Variants in ANO1 observed in about 807,000 individuals in gnomAD.
ANO1 encodes anoctamin 1, also known as anoctamin-1.
Under a neutral mutation model 124.0 loss-of-function variants are expected in ANO1, and 59 were observed. The observed-to-expected ratio is 0.48, with a 90% CI of 0.39 to 0.59. The LOEUF is 0.59. ANO1 is among the 20% of genes least tolerant of loss of function. The probability of loss-of-function intolerance (pLI) is 0.00; values close to 1 mark genes in which losing one functional copy is unlikely to be tolerated. For synonymous variants in ANO1, 529 were observed against 532.0 expected (o/e 0.99, Z 0.08); for missense variants, 1,059 against 1,328.0 (o/e 0.80, Z 3.15).
chr11:69,975,359 G>A, the ANO1 span, among the ~76,000 whole-genome samples: 6 of 152,222 alleles, frequency 3.9e-5, no homozygotes, highest in Non-Finnish European at 5.9e-5. Flanking sequence ...AATGGCAAAT[G>A]CCTACTACGC....
chr11:70,127,295 G>C (rs1314643091), intron 10 of ANO1, among the ~76,000 whole-genome samples: 1 of 152,144 alleles, frequency 6.6e-6, no homozygotes, highest in Non-Finnish European at 1.5e-5. Flanking sequence ...GGTTCCACCT[G>C]CCCAGCTTCC....
At chr11:70,010,164 T>TGCGC (rs143133261) in intron 1 of ANO1, among the ~76,000 whole-genome samples, 1 of 61,314 alleles carries the variant, frequency 1.6e-5, no homozygotes, top group Admixed American at 2.0e-4. Context: ...TGTGTGTGTG[T>TGCGC]GCGCGTGTGT....
rs1420134899 is a variant in ANO1 at position 70,170,894 on chromosome 11, G to A, written c.2205G>A (p.Gln735=). 4.3e-6 allele frequency: 7 copies of A among 1,613,146 alleles called. No homozygotes were observed. Among genetic ancestry groups the A allele is most frequent in the East Asian group, 4.5e-5 (2 of 44,870 alleles). Residue 735 remains glutamine, a synonymous_variant, in exon 22 of 26, where the codon CAG becomes CAA. Coordinates refer to ENST00000355303, the MANE Select transcript of ANO1 (RefSeq NM_018043.7). ...LTPEYMEMII[Q]FGFVTLFVAS... ...ACTGGGCTCTCTCTGCAGTCATCCA[G>A]TTTGGCTTCGTCACCCTGTTTGTCG...
At chr11:70,102,423 G>T (rs531066024) in intron 2 of ANO1, among the ~76,000 whole-genome samples, 44 of 152,316 alleles carry the variant, frequency 2.9e-4, no homozygotes, top group African/African-American at 9.6e-4. Context: ...AGAGAGAGGT[G>T]ACTTGGCCAA....
chr11:70,081,433 G>A (rs977626126), intron 1 of ANO1, among the ~76,000 whole-genome samples: 2 of 152,112 alleles, frequency 1.3e-5, no homozygotes, highest in Non-Finnish European at 2.9e-5. Flanking sequence ...CCCCATAATC[G>A]TACATTGATA....
intron 23 of ANO1, among the ~76,000 whole-genome samples, chr11:70,181,893 C>T (rs913976381): frequency 2.0e-5 from 3 of 152,184 alleles, no homozygotes; most frequent in South Asian, 2.1e-4. Context: ...CCCTTGAAGG[C>T]GAGGACTGCC....
intron 11 of ANO1, among the ~76,000 whole-genome samples, chr11:70,133,640 G>A (rs1280030597): frequency 1.3e-5 from 2 of 152,218 alleles, no homozygotes; most frequent in Non-Finnish European, 2.9e-5. Flanking sequence ...CTCCTCCCCT[G>A]CTCCGGAGGC....
intron 1 of ANO1, among the ~76,000 whole-genome samples, chr11:70,059,412 C>T (rs965939570): frequency 4.7e-5 from 7 of 149,242 alleles, no homozygotes; most frequent in African/African-American, 1.2e-4. Context: ...GAGGCCAAGT[C>T]GGGGAATTAT....
intron 1 of ANO1, among the ~76,000 whole-genome samples, chr11:70,005,062 G>A (rs1856461181): frequency 2.0e-5 from 3 of 147,658 alleles, no homozygotes; most frequent in East Asian, 2.1e-4. Flanking sequence ...GCAGTGAGCC[G>A]AGATCGTGCC....
chr11:70,015,132 C>G (rs970555470), intron 1 of ANO1: 4 of 152,010 alleles, frequency 2.6e-5, no homozygotes, highest in Admixed American at 2.0e-4. Context: ...GTGCTAGTGT[C>G]CATCTCTTTG....
chr11:70,048,938 T>C (rs1349740957), intron 1 of ANO1, among the ~76,000 whole-genome samples: 1 of 152,108 alleles, frequency 6.6e-6, no homozygotes, highest in Non-Finnish European at 1.5e-5. Flanking sequence ...GGGCCACGCC[T>C]GGTGTCTTTG....
chr11:70,011,281 G>T (rs1555001088), intron 1 of ANO1, among the ~76,000 whole-genome samples: 1 of 152,118 alleles, frequency 6.6e-6, no homozygotes, highest in African/African-American at 2.4e-5. Context: ...GGGGAGGGAA[G>T]GATGGGAAGT....
intron 7 of ANO1, among the ~76,000 whole-genome samples, chr11:70,113,433 C>T (rs967104767): frequency 4.6e-5 from 7 of 152,130 alleles, no homozygotes; most frequent in Non-Finnish European, 8.8e-5. Flanking sequence ...GCAGTGGCTC[C>T]GGGTTCCTGC....
intron 4 of ANO1, 40 bp from the exon 5 acceptor site, chr11:70,105,694 T>C (rs1485393819): frequency 1.2e-6 from 2 of 1,600,398 alleles, no homozygotes; most frequent in Admixed American, 3.3e-5. Flanking sequence ...CTGCCAGCTC[T>C]GGTGAACTGT....
intron 1 of ANO1, among the ~76,000 whole-genome samples, chr11:70,082,001 C>G (rs930072579): frequency 6.6e-6 from 1 of 152,202 alleles, no homozygotes; most frequent in Non-Finnish European, 1.5e-5. Flanking sequence ...TTCAGATCAT[C>G]GATCACATTT....
At chr11:70,154,065 A>G (rs2047709329) in intron 14 of ANO1, among the ~76,000 whole-genome samples, 1 of 151,878 alleles carries the variant, frequency 6.6e-6, no homozygotes, top group African/African-American at 2.4e-5. Context: ...CGTGCCCAGC[A>G]AAGTTTATTT....
At chr11:70,003,798 C>A (rs1856431577) in intron 1 of ANO1, among the ~76,000 whole-genome samples, 1 of 152,146 alleles carries the variant, frequency 6.6e-6, no homozygotes, top group South Asian at 2.1e-4. Context: ...TGGATAAAGA[C>A]TGTTTCACAT....
chr11:70,089,434 T>A (rs781156740), intron 2 of ANO1, among the ~76,000 whole-genome samples: 1 of 152,202 alleles, frequency 6.6e-6, no homozygotes, highest in Non-Finnish European at 1.5e-5. Flanking sequence ...CAAGTAGATA[T>A]GACTTTCCTT....
chr11:70,038,194 C>T (rs1345907514), intron 1 of ANO1, among the ~76,000 whole-genome samples: 1 of 152,204 alleles, frequency 6.6e-6, no homozygotes, highest in Admixed American at 6.5e-5. Context: ...CATTCTTGGA[C>T]AAGGTTAAGC....
Sources: gnomAD v4.1 joint callset for allele counts (sites outside exome capture counted in the v4.1 genomes callset) on GRCh38, gnomAD v4.1.1 for gene constraint, MANE v1.5 for transcripts, NCBI Gene and HGNC (gene_info 2026-07-23, HGNC 2026-07-21) for gene names.